The following PDGFD variants were observed in gnomAD, a reference collection of about 807,000 sequenced individuals.
PDGFD encodes platelet-derived growth factor D.
Under a neutral mutation model 44.7 loss-of-function variants are expected in PDGFD, and 30 were observed. That is an observed-to-expected ratio of 0.67 (90% CI 0.50 to 0.91). The LOEUF is 0.91. PDGFD is among the 40% of genes least tolerant of loss of function. PDGFD has a pLI of 0.00. For missense variants in PDGFD, 445 were observed against 457.8 expected, an observed-to-expected ratio of 0.97 and a Z score of 0.25; for synonymous variants, 173 against 168.4, an observed-to-expected ratio of 1.03 and a Z score of -0.21.
intron 1 of PDGFD, chr11:104,036,437 C>A (rs1025388628): frequency 4.5e-6 from 1 of 220,134 alleles, no homozygotes; most frequent in Non-Finnish European, 9.2e-6. Context: ...GGATAAGATC[C>A]TGTCTCAAAA....
At chr11:103,960,986 G>A (rs1418432355) in intron 3 of PDGFD, among the ~76,000 whole-genome samples, 1 of 152,118 alleles carries the variant, frequency 6.6e-6, no homozygotes, top group African/African-American at 2.4e-5. Flanking sequence ...TGGAGATTAG[G>A]ATTTCAACAG....
intron 1 of PDGFD, among the ~76,000 whole-genome samples, chr11:104,078,088 A>G (rs1170963680): frequency 6.6e-6 from 1 of 152,056 alleles, no homozygotes; most frequent in Non-Finnish European, 1.5e-5. Flanking sequence ...TGCACCTCAG[A>G]CCTTGCCATT....
At chr11:104,142,325 A>G (rs1862097202) in intron 1 of PDGFD, among the ~76,000 whole-genome samples, 1 of 152,136 alleles carries the variant, frequency 6.6e-6, no homozygotes, top group Non-Finnish European at 1.5e-5. Context: ...ATATGTTTAT[A>G]TGAATATGTG....
At chr11:103,999,828 T>C (rs1859592379) in intron 2 of PDGFD, among the ~76,000 whole-genome samples, 1 of 152,204 alleles carries the variant, frequency 6.6e-6, no homozygotes, top group African/African-American at 2.4e-5. Context: ...GTCCTGACAG[T>C]TGCACAAGTG....
At position 103,957,862 on chromosome 11, in the gene PDGFD, A is replaced by G. The variant is rs189359511; in HGVS notation, c.511-10138T>C. ...AGAAAGTTGCAAATTGCAAAATACT[A>G]CTTTGTTAATAGCTTCCATGGTGTT... On this transcript the variant is annotated intron_variant, in intron 3 of 6. Transcript: ENST00000393158. Among the ~76,000 whole-genome samples the G allele has an allele frequency of 7.2e-5, 11 of 152,264 alleles. No homozygotes were observed. In the East Asian group the frequency reaches 1.9e-3, roughly 27 times the overall value.
At chr11:103,992,494 T>C (rs114566626) in intron 3 of PDGFD, among the ~76,000 whole-genome samples, 102 of 152,312 alleles carry the variant, frequency 6.7e-4, no homozygotes, top group African/African-American at 2.4e-3. Flanking sequence ...TACTCCCATT[T>C]AAAAGATGTA....
intron 1 of PDGFD, among the ~76,000 whole-genome samples, chr11:104,152,550 C>T (rs920733759): frequency 1.3e-5 from 2 of 151,848 alleles, no homozygotes; most frequent in African/African-American, 4.8e-5. Flanking sequence ...TTTTTTGAAC[C>T]CTTTTATTAA....
intron 1 of PDGFD, among the ~76,000 whole-genome samples, chr11:104,132,193 CTCTT>C (rs2119846290): frequency 6.6e-6 from 1 of 152,132 alleles, no homozygotes; most frequent in Non-Finnish European, 1.5e-5. Flanking sequence ...TTGATACTCT[CTCTT>C]TAAGTTACCT....
intron 3 of PDGFD, among the ~76,000 whole-genome samples, chr11:103,988,096 CTTTG>C (rs1183386977): frequency 6.6e-6 from 1 of 152,038 alleles, no homozygotes; most frequent in Non-Finnish European, 1.5e-5. Flanking sequence ...AGTAACACTG[CTTTG>C]TTTTTGACAT....
chr11:104,040,553 G>A (rs1447325436), intron 1 of PDGFD, among the ~76,000 whole-genome samples: 1 of 152,032 alleles, frequency 6.6e-6, no homozygotes, highest in Middle Eastern at 3.4e-3. Context: ...TCTTTTGCTT[G>A]TCTTCTACAT....
chr11:103,952,389 G>T (rs1858772201), intron 3 of PDGFD, among the ~76,000 whole-genome samples: 1 of 152,136 alleles, frequency 6.6e-6, no homozygotes, highest in African/African-American at 2.4e-5. Flanking sequence ...GCTCCTAGAG[G>T]CTGGTACACA....
At chr11:104,099,817 T>C (rs1184510586) in intron 1 of PDGFD, among the ~76,000 whole-genome samples, 1 of 151,996 alleles carries the variant, frequency 6.6e-6, no homozygotes, top group African/African-American at 2.4e-5. Context: ...GCAATTCTAG[T>C]ATTTAATATT....
intron 3 of PDGFD, among the ~76,000 whole-genome samples, chr11:103,987,610 T>C (rs1243915893): frequency 2.0e-5 from 3 of 152,212 alleles, no homozygotes; most frequent in Non-Finnish European, 4.4e-5. Context: ...CTAGTTTTAC[T>C]AGAAAGACTT....
chr11:104,163,999 C>CCGCCCTGCGCTCTCGCCGCCTGCGCT lies in PDGFD; in HGVS notation c.-98_-73dup, dbSNP rs1565352742. 4.2e-6 allele frequency: 6 copies of CCGCCCTGCGCTCTCGCCGCCTGCGCT among 1,437,202 alleles called. No individual in the cohort carries two copies. The African/African-American group carries it at 7.1e-5, about 17-fold the overall frequency. The allele number at this position is 1,437,202 out of a possible 1,614,324, so 89.0% of individuals were successfully genotyped here. On this transcript the variant is annotated 5_prime_UTR_variant, in exon 1 of 7. Coordinates refer to ENST00000393158, the MANE Select transcript of PDGFD (RefSeq NM_025208.5). ...TTCTGCTCCCGGGACCGACGCCGCG[C>CCGCCCTGCGCTCTCGCCGCCTGCGCT]CGCCCTGCGCTCTCGCCGCCTGCGC...
rs147637332 is a variant in PDGFD, at chr11:103,917,112, T to C, written c.988-7293A>G. Among the ~76,000 whole-genome samples, 935 of 152,038 alleles carry C rather than the reference T, an allele frequency of 6.1e-3. 11 individuals are homozygous for C. The highest frequency in any genetic ancestry group is 0.02 in the African/African-American group (850 of 41,476). On this transcript the variant is annotated intron_variant, in intron 6 of 6. Transcript: ENST00000393158. ...AAAAAAAACACACAACATGTTGCCC[T>C]GATGAAGGTCATTAGTGGCCATAAA...
chr11:104,108,694 T>C (rs1233842600), intron 1 of PDGFD, among the ~76,000 whole-genome samples: 2 of 152,288 alleles, frequency 1.3e-5, no homozygotes, highest in South Asian at 4.1e-4. Context: ...AGCCATTCCA[T>C]TACTGGGTAT....
At chr11:104,072,897 C>T (rs570245280) in intron 1 of PDGFD, among the ~76,000 whole-genome samples, 2 of 152,094 alleles carry the variant, frequency 1.3e-5, no homozygotes, top group South Asian at 4.1e-4. Flanking sequence ...AGTGAAACAT[C>T]TTTGAAATTC....
At chr11:104,118,717 T>TTA (rs146822671) in intron 1 of PDGFD, among the ~76,000 whole-genome samples, 58,652 of 115,012 alleles carry the variant, frequency 0.51, 16,263 homozygotes, top group South Asian at 0.6. Context: ...TTATATATTA[T>TTA]TATGTTATTA....
chr11:104,100,140 G>A (rs1356818685), intron 1 of PDGFD, among the ~76,000 whole-genome samples: 1 of 152,074 alleles, frequency 6.6e-6, no homozygotes, highest in Non-Finnish European at 1.5e-5. Context: ...ATCCTCAGGA[G>A]CACTGTCCCT....
Sources: allele counts gnomAD v4.1 joint callset (sites outside exome capture counted in the v4.1 genomes callset), GRCh38; gene constraint gnomAD v4.1.1; transcripts MANE v1.5; gene names NCBI Gene and HGNC (gene_info 2026-07-23, HGNC 2026-07-21).